The following KIAA2012 variants were observed in gnomAD, a reference collection of about 807,000 sequenced individuals.
The protein encoded by KIAA2012 is KIAA2012.
Under a neutral mutation model 150.6 loss-of-function variants are expected in KIAA2012, and 125 were observed. The observed-to-expected ratio is 0.83, with a 90% CI of 0.72 to 0.96. The LOEUF (loss-of-function observed/expected upper bound fraction) is 0.96. Ranked by LOEUF, KIAA2012 falls within the 40% of genes least tolerant of loss-of-function variation. The probability of loss-of-function intolerance (pLI) is 0.00; values close to 1 mark genes in which losing one functional copy is unlikely to be tolerated. For missense variants in KIAA2012, 1,219 were observed against 1,354.9 expected, an observed-to-expected ratio of 0.90 and a Z score of 1.57; for synonymous variants, 462 against 504.7, an observed-to-expected ratio of 0.92 and a Z score of 1.13.
intron 15 of KIAA2012, among the ~76,000 whole-genome samples, chr2:202,183,945 A>G (rs1692175335): frequency 6.6e-6 from 1 of 152,140 alleles, no homozygotes; most frequent in African/African-American, 2.4e-5. Context: ...CTAACACACT[A>G]TTCTGTAGTT....
At chr2:202,191,768 G>A (rs1410816498) in intron 19 of KIAA2012, among the ~76,000 whole-genome samples, 2 of 152,114 alleles carry the variant, frequency 1.3e-5, no homozygotes, top group South Asian at 4.1e-4. Context: ...CACTACAAAT[G>A]CACACACAGC....
intron 13 of KIAA2012, among the ~76,000 whole-genome samples, chr2:202,149,577 T>C (rs1301861400): frequency 3.9e-5 from 6 of 152,220 alleles, no homozygotes. Flanking sequence ...GTGAGAGTGT[T>C]GCAGCCTCCT....
In KIAA2012 at chr2:202,184,383, CAA is replaced by C. The variant is rs5837809; in HGVS notation, c.2120-354_2120-353del. Reference sequence around the variant, plus strand: ...TGGTCAACAGAGCAAGACTCCGTCTCAAAAAAAAAAAAAAAAAGTAATGTAAT... The same window carrying C: ...TGGTCAACAGAGCAAGACTCCGTCTCAAAAAAAAAAAAAAAGTAATGTAAT... On this transcript the variant is annotated intron_variant, in intron 15 of 23. Transcript: ENST00000498697. Among the ~76,000 whole-genome samples the C allele has an allele frequency of 7.0e-3, 840 of 119,182 alleles. 4 individuals are homozygous for C. Among genetic ancestry groups the C allele is most frequent in the Middle Eastern group, 0.018 (4 of 220 alleles). The allele number at this position is 119,182 out of a possible 152,430, so 78.2% of individuals were successfully genotyped here. A position where few individuals can be genotyped will look rare whatever the true frequency, so the allele number is the denominator to read the frequency against.
intron 12 of KIAA2012, among the ~76,000 whole-genome samples, chr2:202,129,713 G>A (rs1690880510): frequency 6.6e-6 from 1 of 151,930 alleles, no homozygotes; most frequent in African/African-American, 2.4e-5. Flanking sequence ...GCTCATGGCT[G>A]TAATCTCAGC....
intron 7 of KIAA2012, 87 bp downstream of exon 7, chr2:202,100,536 A>G: frequency 1.4e-6 from 2 of 1,401,900 alleles, no homozygotes; most frequent in Non-Finnish European, 1.9e-6. Context: ...AAATAAGGTG[A>G]CTCGAAAGGA....
At chr2:202,096,071 G>A (rs564657687) in intron 4 of KIAA2012, among the ~76,000 whole-genome samples, 3 of 152,182 alleles carry the variant, frequency 2.0e-5, no homozygotes, top group East Asian at 3.9e-4. Flanking sequence ...GCAACAGAGT[G>A]AGACTACGTC....
chr2:202,139,537 T>C (rs1040707862), intron 13 of KIAA2012, among the ~76,000 whole-genome samples: 1 of 152,184 alleles, frequency 6.6e-6, no homozygotes, highest in Non-Finnish European at 1.5e-5. Context: ...CTATCTCTTC[T>C]TCCCCAGCAC....
chr2:202,140,209 C>G (rs752065761), intron 13 of KIAA2012, among the ~76,000 whole-genome samples: 3 of 152,094 alleles, frequency 2.0e-5, no homozygotes, highest in Non-Finnish European at 4.4e-5. Flanking sequence ...GCCTGGGCAA[C>G]AGAGCAAGAC....
chr2:202,140,020 G>A (rs1691165871), intron 13 of KIAA2012, among the ~76,000 whole-genome samples: 1 of 152,148 alleles, frequency 6.6e-6, no homozygotes, highest in Non-Finnish European at 1.5e-5. Context: ...ACGAGGTCAG[G>A]AGTTCAAGAC....
At chr2:202,126,623 G>C (rs1478697783) in intron 12 of KIAA2012, among the ~76,000 whole-genome samples, 1 of 19,516 alleles carries the variant, frequency 5.1e-5, no homozygotes, top group Non-Finnish European at 9.4e-5. Flanking sequence ...GATGATGGTG[G>C]TGGTGGTGGT....
intron 14 of KIAA2012, among the ~76,000 whole-genome samples, chr2:202,158,479 G>A (rs1691581451): frequency 6.6e-6 from 1 of 152,170 alleles, no homozygotes; most frequent in Non-Finnish European, 1.5e-5. Context: ...CTACAGGAGA[G>A]CATTCATTCA....
intron 14 of KIAA2012, among the ~76,000 whole-genome samples, chr2:202,163,160 G>A (rs1006809136): frequency 4.0e-5 from 6 of 148,598 alleles, no homozygotes; most frequent in Admixed American, 1.3e-4. Flanking sequence ...CTGGAGTGCG[G>A]TGGTGCGATC....
At chr2:202,180,269 C>CA (rs569117421) in intron 15 of KIAA2012, among the ~76,000 whole-genome samples, 2,607 of 48,804 alleles carry the variant, frequency 0.053, 58 homozygotes, top group African/African-American at 0.11. Flanking sequence ...GAAACTCCTC[C>CA]AAAAAAAAAA....
chr2:202,091,729 T>G (rs1689729499), intron 3 of KIAA2012, among the ~76,000 whole-genome samples: 1 of 152,226 alleles, frequency 6.6e-6, no homozygotes, highest in East Asian at 1.9e-4. Context: ...TTGGCAAGCC[T>G]ATTTGGGATG....
At chr2:202,094,144 G>A (rs745370719) in intron 4 of KIAA2012, among the ~76,000 whole-genome samples, 7 of 152,136 alleles carry the variant, frequency 4.6e-5, no homozygotes, top group Non-Finnish European at 7.4e-5. Context: ...TTAGCTGGGC[G>A]TGGTGGCACA....
chr2:202,109,884 G>T, intron 10 of KIAA2012, 95 bp downstream of exon 10: 1 of 1,167,040 alleles, frequency 8.6e-7, no homozygotes. Context: ...TTTTCTGAAA[G>T]GCATTCCATT....
intron 14 of KIAA2012, among the ~76,000 whole-genome samples, chr2:202,164,370 A>G (rs916912307): frequency 1.3e-5 from 2 of 152,164 alleles, no homozygotes; most frequent in Admixed American, 1.3e-4. Context: ...TATGACTGTT[A>G]TTATTTGGAG....
At chr2:202,151,475 A>G (rs1169345900) in intron 13 of KIAA2012, among the ~76,000 whole-genome samples, 2 of 151,296 alleles carry the variant, frequency 1.3e-5, no homozygotes, top group African/African-American at 2.5e-5. Context: ...TGATTGCTAA[A>G]GATAGATTCA....
intron 15 of KIAA2012, among the ~76,000 whole-genome samples, chr2:202,175,666 A>T (rs1691976545): frequency 1.3e-5 from 2 of 152,260 alleles, no homozygotes; most frequent in Admixed American, 6.5e-5. Flanking sequence ...TGAATGTTCC[A>T]GCACCTTGAT....
Sources: allele counts gnomAD v4.1 joint callset (sites outside exome capture counted in the v4.1 genomes callset), GRCh38; gene constraint gnomAD v4.1.1; transcripts MANE v1.5; gene names NCBI Gene and HGNC (gene_info 2026-07-23, HGNC 2026-07-21).